Variants in DHX15 observed in about 807,000 individuals in gnomAD.
DHX15 encodes ATP-dependent RNA helicase DHX15.
Under a neutral mutation model 94.4 loss-of-function variants are expected in DHX15, and 11 were observed. The ratio of observed to expected loss-of-function variants is 0.12; its 90% CI spans 0.07 to 0.19. The LOEUF is 0.19. Among genes scored for constraint, DHX15 ranks in the 10% least tolerant of loss-of-function variants. The pLI is 1.00. For synonymous variants in DHX15, 338 were observed against 329.9 expected, an observed-to-expected ratio of 1.02 and a Z score of -0.27; for missense variants, 304 against 988.5, an observed-to-expected ratio of 0.31 and a Z score of 9.29.
intron 3 of DHX15, among the ~76,000 whole-genome samples, chr4:24,568,736 C>T (rs1477517391): frequency 6.6e-6 from 1 of 152,122 alleles, no homozygotes; most frequent in African/African-American, 2.4e-5. Flanking sequence ...AATGATATTC[C>T]TCCTAAAGAT....
intron 13 of DHX15, 71 bp from the exon 14 acceptor site, chr4:24,528,112 G>C: frequency 9.6e-7 from 1 of 1,038,856 alleles, no homozygotes; most frequent in Non-Finnish European, 1.5e-6. Context: ...TAATAGGATA[G>C]GCATTATTCA....
At chr4:24,583,369 G>A (rs921419654) in intron 1 of DHX15, among the ~76,000 whole-genome samples, 1 of 152,014 alleles carries the variant, frequency 6.6e-6, no homozygotes, top group African/African-American at 2.4e-5. Flanking sequence ...CCTCCACATG[G>A]GCGGTGTTTC....
In DHX15 at chr4:24,584,462, A is replaced by T; in HGVS notation, c.-69T>A. The T allele has an allele frequency of 6.7e-7, 1 of 1,489,684 alleles. No homozygotes were observed. The highest frequency in any genetic ancestry group is 9.2e-7 in the Non-Finnish European group (1 of 1,091,002). 92.3% of individuals were successfully genotyped at this position (1,489,684 alleles called of 1,614,324 possible). A position where few individuals can be genotyped will look rare whatever the true frequency, so the allele number is the denominator to read the frequency against. ...CTGCTGTATGGGCACAGTCGAGGAC[A>T]GCCACTTAACTCTGGAGGACCCCCA... On this transcript the variant is annotated 5_prime_UTR_variant, in exon 1 of 14. Coordinates refer to ENST00000336812, the MANE Select transcript of DHX15 (RefSeq NM_001358.3).
chr4:24,553,029 A>C (rs147188842), intron 5 of DHX15, among the ~76,000 whole-genome samples: 1,633 of 152,388 alleles, frequency 0.011, 5 homozygotes, highest in Non-Finnish European at 0.016. Context: ...GTGATTTAAA[A>C]AATAAAAATA....
At chr4:24,545,800 A>G (rs1468585018) in intron 6 of DHX15, among the ~76,000 whole-genome samples, 1 of 152,228 alleles carries the variant, frequency 6.6e-6, no homozygotes, top group Non-Finnish European at 1.5e-5. Context: ...CATTATGACC[A>G]GTAAGAATCA....
At position 24,527,681 on chromosome 4, in the gene DHX15, C is replaced by A; in HGVS notation, c.*243G>T. The A allele has an allele frequency of 2.4e-6, 1 of 416,402 alleles. No individual in the cohort carries two copies. The highest frequency in any genetic ancestry group is 5.3e-5 in the South Asian group (1 of 18,788). The allele number at this position is 416,402 out of a possible 1,614,324, so 25.8% of individuals were successfully genotyped here. Reference sequence around the variant, plus strand: ...GCTTATAACATTGTTATATATAGAACTACTTTCAATAAACTGCAAAACATT... The same window carrying A: ...GCTTATAACATTGTTATATATAGAAATACTTTCAATAAACTGCAAAACATT... On this transcript the variant is annotated 3_prime_UTR_variant, in exon 14 of 14. Coordinates refer to ENST00000336812, the MANE Select transcript of DHX15 (RefSeq NM_001358.3).
At chr4:24,578,098 C>T (rs891296679) in intron 1 of DHX15, among the ~76,000 whole-genome samples, 1 of 152,186 alleles carries the variant, frequency 6.6e-6, no homozygotes, top group Non-Finnish European at 1.5e-5. Flanking sequence ...TCACCTTCTA[C>T]AAAAATCACA....
At chr4:24,556,130 C>A in intron 4 of DHX15, 121 bp downstream of exon 4, 2 of 712,638 alleles carry the variant, frequency 2.8e-6, no homozygotes, top group East Asian at 2.8e-5. Flanking sequence ...CAAGAAGGTA[C>A]TTACTAGTTC....
Position 24,540,945 on chromosome 4 carries a change from T to C in DHX15, c.1489A>G (p.Asn497Asp). 6.3e-7 allele frequency: 1 copy of C among 1,583,470 alleles called. No homozygotes were observed. Among genetic ancestry groups the C allele is most frequent in the Non-Finnish European group, 8.6e-7 (1 of 1,159,642 alleles). Residue 497 changes from asparagine (N) to aspartate (D), a missense_variant, in exon 9 of 14, where the codon AAC (asparagine) becomes GAC (aspartate). Asn to Asp is a conservative substitution (Grantham distance 23). Coordinates refer to ENST00000336812, the MANE Select transcript of DHX15 (RefSeq NM_001358.3). The stretch of plus-strand genomic sequence containing the variant: ...GAACGCAAAATCTCAGGATAGGTGT[T>C]ATCCTAGCAAAGAACAAAAACATTT... ...EKAYKTEMQDNTYPEILRSNL... is the reference protein window; with the variant it reads ...EKAYKTEMQDDTYPEILRSNL...
intron 12 of DHX15, chr4:24,530,778 C>A (rs1461830458): frequency 6.6e-6 from 1 of 152,016 alleles, no homozygotes; most frequent in Admixed American, 6.6e-5. Context: ...TCTCCCTTTC[C>A]AATTCTAATA....
intron 3 of DHX15, among the ~76,000 whole-genome samples, chr4:24,561,189 C>G (rs1721866891): frequency 6.6e-6 from 1 of 152,204 alleles, no homozygotes. Flanking sequence ...GAGGTTCCAT[C>G]AATAGAATTT....
intron 1 of DHX15, chr4:24,580,718 A>C (rs532803595): frequency 6.6e-6 from 1 of 152,050 alleles, no homozygotes; most frequent in African/African-American, 2.4e-5. Flanking sequence ...AGGTTTTATT[A>C]CCTTGGCCAG....
chr4:24,555,552 T>C (rs1396399642), intron 4 of DHX15, among the ~76,000 whole-genome samples: 1 of 152,168 alleles, frequency 6.6e-6, no homozygotes, highest in Non-Finnish European at 1.5e-5. Context: ...CTTGCCAGTG[T>C]TGAACCCTTG....
intron 1 of DHX15, 81 bp downstream of exon 1, chr4:24,584,242 G>A (rs1454817056): frequency 7.8e-6 from 11 of 1,409,304 alleles, no homozygotes; most frequent in Non-Finnish European, 1.1e-5. Context: ...GGACCCGCTC[G>A]GCCAGGCCAG....
Position 24,556,530 on chromosome 4 carries a change from A to G in DHX15, c.702-120T>C, listed in dbSNP as rs1006195123. On this transcript the variant is annotated intron_variant, in intron 3 of 13. Transcript: ENST00000336812. ...TTAAAAATAAACTTCTGCCCCAAAC[A>G]AATGTGCTACTGTTTCATGATCAAT... is the stretch of plus-strand genomic sequence containing the variant. 1.9e-5 allele frequency: 15 copies of G among 790,110 alleles called. No homozygotes were observed. In the South Asian group the frequency reaches 3.2e-4, roughly 17 times the overall value. The allele number at this position is 790,110 out of a possible 1,614,324, so 48.9% of individuals were successfully genotyped here. A position where few individuals can be genotyped will look rare whatever the true frequency, so the allele number is the denominator to read the frequency against.
chr4:24,578,886 A>G (rs1000731196), intron 1 of DHX15, among the ~76,000 whole-genome samples: 2 of 152,060 alleles, frequency 1.3e-5, no homozygotes, highest in African/African-American at 4.8e-5. Context: ...CTATACTTCT[A>G]GCATAGTACC....
Position 24,576,434 on chromosome 4 carries a change from C to G in DHX15, c.316G>C (p.Ala106Pro). ...CACTGTGGAAGTGACGTGTGACCTG[C>G]ATGTCCGGCATGCGTTGAATGAGCA... Reference protein sequence around the residue: ...HSAHSTHAGHAGHTSLPQCIN... With the variant: ...HSAHSTHAGHPGHTSLPQCIN... Residue 106 changes from alanine (A) to proline (P), a missense_variant, in exon 2 of 14, where the codon GCA becomes CCA. Transcript: ENST00000336812. 1 of 1,614,160 alleles carries G rather than the reference C, an allele frequency of 6.2e-7. No individual in the cohort carries two copies. The highest frequency in any genetic ancestry group is 8.5e-7 in the Non-Finnish European group (1 of 1,180,034).
intron 3 of DHX15, among the ~76,000 whole-genome samples, chr4:24,566,719 G>A (rs942882303): frequency 6.6e-6 from 1 of 152,084 alleles, no homozygotes; most frequent in Non-Finnish European, 1.5e-5. Context: ...TCAGCTACTC[G>A]GGAGGGTGAG....
Position 24,528,049 on chromosome 4 carries a change from G to T in DHX15, c.2271-8C>A, listed in dbSNP as rs767912364. On this transcript the variant is annotated splice_region_variant and splice_polypyrimidine_tract_variant and intron_variant, in intron 13 of 13. Coordinates refer to ENST00000336812, the MANE Select transcript of DHX15 (RefSeq NM_001358.3). ...GGGGCAATTTTCACCAACCTGTTTA[G>T]AAGTGGGCAGAAAAATTTCCAAATT... is the stretch of plus-strand genomic sequence containing the variant. The T allele has an allele frequency of 1.1e-5, 17 of 1,597,596 alleles. No individual in the cohort carries two copies. Among genetic ancestry groups the T allele is most frequent in the Non-Finnish European group, 1.7e-6 (2 of 1,165,396 alleles).
Sources: gnomAD v4.1 joint callset for allele counts (sites outside exome capture counted in the v4.1 genomes callset) on GRCh38, gnomAD v4.1.1 for gene constraint, MANE v1.5 for transcripts, NCBI Gene and HGNC (gene_info 2026-07-23, HGNC 2026-07-21) for gene names.